The following SDK1 variants were observed in gnomAD, a reference collection of about 807,000 sequenced individuals.
SDK1 encodes protein sidekick-1.
Under a neutral mutation model 245.5 loss-of-function variants are expected in SDK1, and 157 were observed. The observed-to-expected ratio is 0.64, with a 90% confidence interval of 0.56 to 0.73. The LOEUF (loss-of-function observed/expected upper bound fraction) is 0.73, where lower values mean the gene tolerates loss of function less well. SDK1 is among the 30% of genes least tolerant of loss of function. The probability of loss-of-function intolerance (pLI) is 0.00; values close to 1 mark genes in which losing one functional copy is unlikely to be tolerated. For missense variants in SDK1, 3,583 were observed against 3,002.3 expected, an observed-to-expected ratio of 1.19 and a Z score of -4.52; for synonymous variants, 1,647 against 1,278.5, an observed-to-expected ratio of 1.29 and a Z score of -6.15.
rs142255448 is a variant in SDK1 at position 4,248,288 on chromosome 7, G to A, written c.6381+2483G>A. 7.6e-4 allele frequency among the ~76,000 whole-genome samples: 115 copies of A among 150,518 alleles called. 3 individuals are homozygous for A. In the East Asian group the frequency reaches 0.02, roughly 26 times the overall value. Reference sequence around the variant, plus strand: ...CACACACACCTAAATACACACACACGCACACATATCTATACATACACACAT... The same window carrying A: ...CACACACACCTAAATACACACACACACACACATATCTATACATACACACAT... On this transcript the variant is annotated intron_variant, in intron 44 of 44. Transcript: ENST00000404826.
chr7:3,813,146 A>G (rs1297505745), intron 4 of SDK1, among the ~76,000 whole-genome samples: 2 of 151,202 alleles, frequency 1.3e-5, no homozygotes, highest in African/African-American at 4.9e-5. Context: ...GTTTTAGGGT[A>G]CATGTGCACA....
chr7:3,446,596 G>A (rs181755454), intron 1 of SDK1, among the ~76,000 whole-genome samples: 63 of 152,182 alleles, frequency 4.1e-4, no homozygotes, highest in African/African-American at 1.5e-3. Flanking sequence ...AATTTAATAA[G>A]TCTCTGCTTT....
intron 5 of SDK1, among the ~76,000 whole-genome samples, chr7:3,908,652 C>G (rs977239628): frequency 2.0e-5 from 3 of 152,152 alleles, no homozygotes; most frequent in Non-Finnish European, 2.9e-5. Context: ...CTAAGCCTAT[C>G]CTGATAATTG....
At chr7:4,056,617 CA>C (rs1460084997) in intron 19 of SDK1, among the ~76,000 whole-genome samples, 2 of 152,096 alleles carry the variant, frequency 1.3e-5, no homozygotes, top group Non-Finnish European at 2.9e-5. Flanking sequence ...CAGACTCCTG[CA>C]ATCCGAGCCA....
intron 2 of SDK1, among the ~76,000 whole-genome samples, chr7:3,619,699 A>C (rs970887593): frequency 5.3e-5 from 8 of 152,222 alleles, no homozygotes; most frequent in Non-Finnish European, 1.0e-4. Context: ...GGAATCATGG[A>C]GAATGGGCAT....
chr7:3,684,103 C>A (rs1028386682), intron 4 of SDK1, among the ~76,000 whole-genome samples: 1 of 152,186 alleles, frequency 6.6e-6, no homozygotes, highest in Non-Finnish European at 1.5e-5. Context: ...AGGAGCTGAT[C>A]CTCCATTCCC....
At chr7:4,141,963 G>T (rs1042938916) in intron 28 of SDK1, among the ~76,000 whole-genome samples, 3 of 152,120 alleles carry the variant, frequency 2.0e-5, no homozygotes, top group Admixed American at 2.0e-4. Flanking sequence ...CACCATCTTG[G>T]CCAGGGTGGT....
At chr7:4,167,837 G>C (rs1490911019) in intron 32 of SDK1, among the ~76,000 whole-genome samples, 1 of 152,238 alleles carries the variant, frequency 6.6e-6, no homozygotes, top group African/African-American at 2.4e-5. Context: ...ACTTCTGCCT[G>C]TCTTGGGCAC....
intron 1 of SDK1, among the ~76,000 whole-genome samples, chr7:3,554,952 A>C (rs1779540724): frequency 6.6e-6 from 1 of 152,220 alleles, no homozygotes; most frequent in Admixed American, 6.5e-5. Context: ...AAAAATGGAA[A>C]GATATTACAT....
At chr7:3,496,459 T>A in intron 1 of SDK1, among the ~76,000 whole-genome samples, 1 of 137,150 alleles carries the variant, frequency 7.3e-6, no homozygotes, top group East Asian at 2.0e-4. Flanking sequence ...TGTTTTTAAC[T>A]TTTTTTTTTT....
Position 3,676,419 on chromosome 7 carries a change from A to G in SDK1, c.713+34314A>G, listed in dbSNP as rs188787763. Among the ~76,000 whole-genome samples, 1,332 of 146,630 alleles carry G rather than the reference A, an allele frequency of 9.1e-3. 23 individuals are homozygous for G. The highest frequency in any genetic ancestry group is 0.031 in the African/African-American group (1,222 of 39,808). ...CAGCTCAGTGCAAGCTCCACCTCCC[A>G]GGTTCACACCATTCTCCTGCCTCAG... On this transcript the variant is annotated intron_variant, in intron 4 of 44. Coordinates refer to ENST00000404826, the MANE Select transcript of SDK1 (RefSeq NM_152744.4).
At chr7:3,691,957 C>G (rs950401303) in intron 4 of SDK1, among the ~76,000 whole-genome samples, 1 of 152,050 alleles carries the variant, frequency 6.6e-6, no homozygotes, top group South Asian at 2.1e-4. Flanking sequence ...ACTCCCCTCC[C>G]GCTGGGTCTT....
In SDK1 at chr7:4,257,193, A is replaced by G. The variant is rs1160587243; in HGVS notation, c.6382-7931A>G. ...CCCATCGTACCCAATTAATTCCTTA[A>G]TAATATTTGAGTCTTTCATCTTGCC... is the stretch of plus-strand genomic sequence containing the variant. On this transcript the variant is annotated intron_variant, in intron 44 of 44. Transcript: ENST00000404826. Among the ~76,000 whole-genome samples the G allele has an allele frequency of 2.0e-5, 3 of 152,186 alleles. No homozygotes were observed. In the East Asian group the frequency reaches 5.8e-4, roughly 29 times the overall value.
chr7:3,833,181 G>C (rs958323219), intron 5 of SDK1, among the ~76,000 whole-genome samples: 1 of 152,066 alleles, frequency 6.6e-6, no homozygotes, highest in African/African-American at 2.4e-5. Context: ...AAAGAATGAA[G>C]GCTTTTCCAT....
intron 13 of SDK1, among the ~76,000 whole-genome samples, chr7:3,978,406 G>T (rs1783136814): frequency 6.6e-6 from 1 of 152,116 alleles, no homozygotes; most frequent in African/African-American, 2.4e-5. Context: ...TAAAATAATA[G>T]GCTTTCTCTA....
intron 1 of SDK1, among the ~76,000 whole-genome samples, chr7:3,382,246 C>T (rs1013277757): frequency 6.6e-6 from 1 of 152,040 alleles, no homozygotes; most frequent in African/African-American, 2.4e-5. Context: ...GCTGGGATTA[C>T]AGGCATGAAC....
intron 1 of SDK1, among the ~76,000 whole-genome samples, chr7:3,500,314 A>G (rs893862404): frequency 1.3e-5 from 2 of 152,100 alleles, no homozygotes; most frequent in Non-Finnish European, 2.9e-5. Context: ...TTAGTGGAAC[A>G]TGTCATCTGG....
intron 1 of SDK1, among the ~76,000 whole-genome samples, chr7:3,491,046 A>C (rs534741679): frequency 9.2e-5 from 14 of 152,370 alleles, no homozygotes; most frequent in African/African-American, 2.9e-4. Flanking sequence ...TCTAGTCTTC[A>C]CAGTAACCTC....
chr7:3,790,985 G>T (rs1047018746), intron 4 of SDK1, among the ~76,000 whole-genome samples: 1 of 152,074 alleles, frequency 6.6e-6, no homozygotes. Flanking sequence ...TCACTCACTT[G>T]CTGTGTGACC....
Sources: allele counts gnomAD v4.1 joint callset (sites outside exome capture counted in the v4.1 genomes callset), GRCh38; gene constraint gnomAD v4.1.1; transcripts MANE v1.5; gene names NCBI Gene and HGNC (gene_info 2026-07-23, HGNC 2026-07-21).